The following SLC4A8 variants were observed in gnomAD, a reference collection of about 807,000 sequenced individuals.
SLC4A8 encodes the protein electroneutral sodium bicarbonate exchanger 1.
SLC4A8 carries 40 observed loss-of-function variants against 125.0 expected under a neutral mutation model. The observed-to-expected ratio is 0.32, with a 90% CI of 0.25 to 0.42. The LOEUF (loss-of-function observed/expected upper bound fraction) is 0.42. Ranked by LOEUF, SLC4A8 falls within the 10% of genes least tolerant of loss-of-function variation. SLC4A8 has a pLI of 1.00. For missense variants in SLC4A8, 863 were observed against 1,355.1 expected (o/e 0.64, Z 5.70); for synonymous variants, 456 against 476.0 (o/e 0.96, Z 0.55).
chr12:51,463,805 C>G (rs11830950), intron 11 of SLC4A8, 91 bp downstream of exon 11: 2 of 827,520 alleles, frequency 2.4e-6, no homozygotes, highest in Non-Finnish European at 3.9e-6. Context: ...GCCTACTTCT[C>G]TGTGGTGGGA....
At chr12:51,484,379 C>T (rs1394547314) in intron 16 of SLC4A8, among the ~76,000 whole-genome samples, 1 of 152,094 alleles carries the variant, frequency 6.6e-6, no homozygotes, top group Non-Finnish European at 1.5e-5. Context: ...ACACATGAAA[C>T]AATCAGATGC....
At chr12:51,416,802 ACAT>A in intron 1 of SLC4A8, among the ~76,000 whole-genome samples, 1 of 152,218 alleles carries the variant, frequency 6.6e-6, no homozygotes, top group African/African-American at 2.4e-5. Context: ...TAAGTTGTAG[ACAT>A]CATGGTACTC....
intron 2 of SLC4A8, among the ~76,000 whole-genome samples, chr12:51,447,128 G>A (rs762402908): frequency 6.7e-6 from 1 of 148,966 alleles, no homozygotes; most frequent in Admixed American, 6.7e-5. Flanking sequence ...AGGCTGGAGT[G>A]CGGTGGTAAT....
chr12:51,500,279 G>C (rs1343574480), intron 22 of SLC4A8, among the ~76,000 whole-genome samples: 2 of 152,100 alleles, frequency 1.3e-5, no homozygotes, highest in African/African-American at 4.8e-5. Context: ...GTTAACACGT[G>C]TTACTTTATA....
At chr12:51,478,010 C>G (rs1330458880) in intron 16 of SLC4A8, among the ~76,000 whole-genome samples, 5 of 152,034 alleles carry the variant, frequency 3.3e-5, no homozygotes, top group Non-Finnish European at 5.9e-5. Context: ...GGCGCAGTGG[C>G]TCACGCCTGT....
rs1948237122 is a variant in SLC4A8, at chr12:51,395,293, C to T, written c.-112+3805C>T. On this transcript the variant is annotated intron_variant, in intron 1 of 24. Transcript: ENST00000358657. The stretch of plus-strand genomic sequence containing the variant: ...GGACATGTCTAGATTCTGTTAACTG[C>T]AAAGACCCAGGATGACCCCTTCTCA... Among the ~76,000 whole-genome samples the T allele has an allele frequency of 3.9e-5, 6 of 152,180 alleles. No individual in the cohort carries two copies. In the South Asian group the frequency reaches 1.2e-3, roughly 32 times the overall value.
rs762446341 is a variant in SLC4A8, at chr12:51,453,597, G to T, written c.472G>T (p.Val158Leu). Residue 158 changes from valine (V) to leucine (L), a missense_variant, in exon 5 of 25, where the codon GTG (valine) becomes TTG (leucine). This residue lies in a region of SLC4A8 where 390 missense variants were observed against 634.4 expected (regional missense o/e 0.61). Coordinates refer to ENST00000453097, the MANE Select transcript of SLC4A8 (RefSeq NM_001039960.3). The part of the protein sequence containing the change: ...DGGERWSKPY[V>L]ATLSLHSLFE... The stretch of plus-strand genomic sequence containing the variant: ...GGGAGAACGCTGGAGCAAGCCTTAT[G>T]TGGCAACCCTTTCATTGCACAGCCT... 1 of 1,614,218 alleles carries T rather than the reference G, an allele frequency of 6.2e-7. No homozygotes were observed. Among genetic ancestry groups the T allele is most frequent in the South Asian group, 1.1e-5 (1 of 91,082 alleles).
At chr12:51,431,923 G>T (rs1377017682) in intron 1 of SLC4A8, among the ~76,000 whole-genome samples, 2 of 152,122 alleles carry the variant, frequency 1.3e-5, no homozygotes, top group African/African-American at 4.8e-5. Context: ...GAGGTTCTTT[G>T]CTTTTGGCAA....
chr12:51,498,544 T>C (rs1937674895), intron 22 of SLC4A8, among the ~76,000 whole-genome samples: 1 of 151,616 alleles, frequency 6.6e-6, no homozygotes, highest in African/African-American at 2.4e-5. Flanking sequence ...TAAAAACAAG[T>C]GTTGGCAAGA....
intron 16 of SLC4A8, among the ~76,000 whole-genome samples, chr12:51,477,219 A>G (rs1950883957): frequency 6.6e-6 from 1 of 152,098 alleles, no homozygotes; most frequent in African/African-American, 2.4e-5. Context: ...AGCATTTTCC[A>G]TAAAATATAT....
chr12:51,460,427 A>G (rs889666920), intron 8 of SLC4A8, among the ~76,000 whole-genome samples: 1 of 152,120 alleles, frequency 6.6e-6, no homozygotes, highest in Non-Finnish European at 1.5e-5. Context: ...ATCTCAGAAA[A>G]TTGAGGTATA....
At chr12:51,455,842 C>T (rs2138211202) in intron 5 of SLC4A8, among the ~76,000 whole-genome samples, 1 of 152,246 alleles carries the variant, frequency 6.6e-6, no homozygotes, top group African/African-American at 2.4e-5. Context: ...TTCTCATGTT[C>T]ATCATTGGAG....
chr12:51,493,752 T>G lies in SLC4A8; in HGVS notation c.2749T>G (p.Ser917Ala). 6.2e-7 allele frequency: 1 copy of G among 1,607,554 alleles called. No homozygotes were observed. Among genetic ancestry groups the G allele is most frequent in the Non-Finnish European group, 8.5e-7 (1 of 1,173,936 alleles). Residue 917 changes from serine (S) to alanine (A), a missense_variant, in exon 20 of 25, where the codon TCT becomes GCT. Physicochemically the swap from Ser to Ala is moderately conservative, Grantham distance 99 (BLOSUM62 1). Transcript: ENST00000453097. ...LYGVFLYMGV[S>A]SLQGIQFFDR... ...CGGAGTTTTCCTTTACATGGGAGTT[T>G]CTTCACTACAGGGAATTCAGGTATT...
chr12:51,500,836 G>A (rs1395460725), intron 22 of SLC4A8, among the ~76,000 whole-genome samples: 1 of 147,120 alleles, frequency 6.8e-6, no homozygotes, highest in Non-Finnish European at 1.5e-5. Flanking sequence ...ACAGGCTCTC[G>A]CCCCTGCGCC....
intron 1 of SLC4A8, among the ~76,000 whole-genome samples, chr12:51,435,517 G>T (rs967700027): frequency 1.3e-5 from 2 of 152,130 alleles, no homozygotes; most frequent in African/African-American, 2.4e-5. Context: ...TAGCACTTTG[G>T]GAGGCTGAGG....
chr12:51,484,630 T>C (rs757698493), intron 16 of SLC4A8, among the ~76,000 whole-genome samples: 25 of 152,130 alleles, frequency 1.6e-4, no homozygotes, highest in Non-Finnish European at 3.2e-4. Flanking sequence ...ACCGGTGATA[T>C]TACGTGTGGC....
At chr12:51,448,513 G>A in intron 2 of SLC4A8, among the ~76,000 whole-genome samples, 1 of 152,174 alleles carries the variant, frequency 6.6e-6, no homozygotes, top group Non-Finnish European at 1.5e-5. Flanking sequence ...ACAGAAGAGT[G>A]TTTAGCACTA....
chr12:51,457,042 C>G (rs1950170222), intron 5 of SLC4A8, among the ~76,000 whole-genome samples: 1 of 152,182 alleles, frequency 6.6e-6, no homozygotes, highest in African/African-American at 2.4e-5. Flanking sequence ...GTGCAAACTG[C>G]TAGATGTAAG....
upstream of SLC4A8, among the ~76,000 whole-genome samples, chr12:51,424,055 AAAAAAAACAACAAAAAAAAAAC>A (rs1948871894): frequency 2.4e-5 from 1 of 41,010 alleles, no homozygotes; most frequent in Non-Finnish European, 5.3e-5. Context: ...AAAAAAAAAC[AAAAAAAACAACAAAAAAAAAAC>A]AAAAAAAACC....
Sources: gnomAD v4.1 joint callset for allele counts (sites outside exome capture counted in the v4.1 genomes callset) on GRCh38, gnomAD v4.1.1 for gene constraint, gnomAD v4.1.1 regional missense constraint, MANE v1.5 for transcripts, NCBI Gene and HGNC (gene_info 2026-07-23, HGNC 2026-07-21) for gene names.